DGLUCY: variants seen among roughly 807,000 people sequenced by gnomAD.
DGLUCY encodes the protein D-glutamate cyclase, mitochondrial.
In DGLUCY, 58 loss-of-function variants were observed where a neutral mutation model predicts 58.5. The ratio of observed to expected loss-of-function variants is 0.99; its 90% CI spans 0.80 to 1.23. DGLUCY has a LOEUF of 1.23. DGLUCY is among the 50% of genes most tolerant of loss of function. DGLUCY has a pLI of 0.00. For synonymous variants in DGLUCY, 325 were observed against 314.1 expected (o/e 1.03, Z -0.37); for missense variants, 779 against 784.7 (o/e 0.99, Z 0.09).
At chr14:91,115,947 C>T (rs2044912907) in intron 1 of DGLUCY, among the ~76,000 whole-genome samples, 1 of 152,346 alleles carries the variant, frequency 6.6e-6, no homozygotes, top group East Asian at 1.9e-4. Context: ...TGACCCACCC[C>T]AAAACTTCTG....
At chr14:91,193,947 T>TGGG (rs1392706671) in intron 9 of DGLUCY, among the ~76,000 whole-genome samples, 1 of 152,088 alleles carries the variant, frequency 6.6e-6, no homozygotes, top group Non-Finnish European at 1.5e-5. Flanking sequence ...AGCTCAGAAG[T>TGGG]GGGAACCTCA....
chr14:91,216,512 C>A (rs1886538733), intron 13 of DGLUCY: 1 of 152,140 alleles, frequency 6.6e-6, no homozygotes, highest in South Asian at 2.1e-4. Flanking sequence ...GGCCTGGTGG[C>A]ATGCACCTGT....
intron 3 of DGLUCY, among the ~76,000 whole-genome samples, chr14:91,166,829 A>G (rs1246482530): frequency 4.0e-5 from 6 of 151,614 alleles, no homozygotes; most frequent in Admixed American, 3.9e-4. Context: ...GGCTGGGCGC[A>G]ATGGCTCATG....
chr14:91,117,150 A>T (rs1396029994), intron 1 of DGLUCY, among the ~76,000 whole-genome samples: 1 of 152,196 alleles, frequency 6.6e-6, no homozygotes, highest in African/African-American at 2.4e-5. Flanking sequence ...TTGTCATGGC[A>T]TTTGTAAACT....
In DGLUCY at chr14:91,188,986, A is replaced by G. The variant is rs1046726765; in HGVS notation, c.1011A>G (p.Ser337=). ...CTCTCTCGCTGTCCCATGCCCGCTC[A>G]GTGCTCATCACCACTGGGTTCCCCA... is the stretch of plus-strand genomic sequence containing the variant. ...KASLSLSHAR[S]VLITTGFPTH... is the part of the protein sequence containing the mutation. Residue 337 remains serine (S), a synonymous_variant, in exon 9 of 14, where the codon TCA becomes TCG. Transcript: ENST00000256324. 4 of 1,614,232 alleles carry G rather than the reference A, an allele frequency of 2.5e-6. No homozygotes were observed. Among genetic ancestry groups the G allele is most frequent in the Non-Finnish European group, 3.4e-6 (4 of 1,180,042 alleles).
rs553865325 is a variant in DGLUCY, at chr14:91,215,529, G to C, written c.1689G>C (p.Trp563Cys). Residue 563 changes from tryptophan to cysteine, a missense_variant, in exon 13 of 14, where the codon TGG becomes TGC. Trp to Cys is a radical substitution (Grantham distance 215). Coordinates refer to ENST00000256324, the MANE Select transcript of DGLUCY (RefSeq NM_001102368.3). The stretch of plus-strand genomic sequence containing the variant: ...CCAGGGCACCTGGAGATCAGGCCTG[G>C]ACTCAGGCCCTCCCGTCGGTCATTA... ...GPSRAPGDQA[W>C]TQALPSVIKE... 6.2e-7 allele frequency: 1 copy of C among 1,614,012 alleles called. No homozygotes were observed. The highest frequency in any genetic ancestry group is 1.1e-5 in the South Asian group (1 of 91,078).
At chr14:91,116,261 C>T (rs2044934773) in intron 1 of DGLUCY, among the ~76,000 whole-genome samples, 1 of 152,186 alleles carries the variant, frequency 6.6e-6, no homozygotes, top group Non-Finnish European at 1.5e-5. Context: ...CCACACTTTA[C>T]AGCTTTCAAA....
At chr14:91,204,590 C>T (rs1884206761) in intron 11 of DGLUCY, 116 bp from the exon 12 acceptor site, 5 of 1,386,530 alleles carry the variant, frequency 3.6e-6, no homozygotes, top group Middle Eastern at 2.0e-4. Flanking sequence ...AAAATATATC[C>T]AGAGCCAACC....
At chr14:91,133,823 T>A (rs2046173626) in intron 1 of DGLUCY, among the ~76,000 whole-genome samples, 2 of 152,222 alleles carry the variant, frequency 1.3e-5, no homozygotes, top group Admixed American at 6.5e-5. Flanking sequence ...TTTGCTTTTG[T>A]CTTTGATAAT....
chr14:91,169,407 CTTT>C (rs869086228), intron 4 of DGLUCY, among the ~76,000 whole-genome samples: 4 of 140,572 alleles, frequency 2.8e-5, no homozygotes, highest in Admixed American at 1.4e-4. Context: ...TCTTCTTCTT[CTTT>C]TTTTTTTTTT....
chr14:91,143,244 C>T (rs1000288261), intron 1 of DGLUCY, among the ~76,000 whole-genome samples: 2 of 151,734 alleles, frequency 1.3e-5, no homozygotes, highest in Non-Finnish European at 2.9e-5. Context: ...TACAGGCGCC[C>T]TCCACCACGC....
chr14:91,220,410 C>G (rs948502901), intron 13 of DGLUCY: 7 of 443,132 alleles, frequency 1.6e-5, no homozygotes, highest in Admixed American at 4.9e-5. Flanking sequence ...CATCATCCTT[C>G]TTATCATGAC....
At chr14:91,119,851 C>T (rs2045243002) in intron 1 of DGLUCY, among the ~76,000 whole-genome samples, 1 of 152,170 alleles carries the variant, frequency 6.6e-6, no homozygotes, top group African/African-American at 2.4e-5. Flanking sequence ...CTGAGTCTTT[C>T]AGTCTTCATC....
At chr14:91,198,917 A>T (rs1423060985) in intron 10 of DGLUCY, among the ~76,000 whole-genome samples, 1 of 152,126 alleles carries the variant, frequency 6.6e-6, no homozygotes, top group East Asian at 1.9e-4. Flanking sequence ...AACCCAGATG[A>T]TCTGCTGCCA....
chr14:91,074,118 T>TACACACAC lies in DGLUCY; in HGVS notation c.-82+13450_-82+13457dup, dbSNP rs3086753. 6.7e-3 allele frequency among the ~76,000 whole-genome samples: 468 copies of TACACACAC among 70,310 alleles called. 3 individuals are homozygous for TACACACAC. The highest frequency in any genetic ancestry group is 9.1e-3 in the African/African-American group (155 of 17,126). 46.1% of individuals were successfully genotyped at this position (70,310 alleles called of 152,430 possible). ...CAAAAAAAAAAAATATATATATATA[T>TACACACAC]ACACACACACACACACACACACACA... is the stretch of plus-strand genomic sequence containing the variant. On this transcript the variant is annotated intron_variant, in intron 1 of 4. Transcript: ENST00000521334.
intron 1 of DGLUCY, among the ~76,000 whole-genome samples, chr14:91,085,225 A>G (rs2140054399): frequency 6.6e-6 from 1 of 150,910 alleles, no homozygotes; most frequent in South Asian, 2.1e-4. Flanking sequence ...CTGTCTCAAA[A>G]AAAAAAAAAA....
rs1349289854 is a variant in DGLUCY at position 91,114,247 on chromosome 14, CTGTT to C, written c.-114_-111del. 3 of 152,360 alleles carry C rather than the reference CTGTT, an allele frequency of 2.0e-5. No homozygotes were observed. Among genetic ancestry groups the C allele is most frequent in the Non-Finnish European group, 4.4e-5 (3 of 68,160 alleles). 9.4% of individuals were successfully genotyped at this position (152,360 alleles called of 1,614,324 possible). A position where few individuals can be genotyped will look rare whatever the true frequency, so the allele number is the denominator to read the frequency against. On this transcript the variant is annotated 5_prime_UTR_variant, in exon 1 of 14. Coordinates refer to ENST00000256324, the MANE Select transcript of DGLUCY (RefSeq NM_001102368.3). ...AAGGCCGTGGAAACAAAGGGAGGAACTGTTTGTAGCCCTCGTCCAGACGCCCCAA... is the reference window on the plus strand; with the variant it reads ...AAGGCCGTGGAAACAAAGGGAGGAACTGTAGCCCTCGTCCAGACGCCCCAA...
intron 1 of DGLUCY, among the ~76,000 whole-genome samples, chr14:91,100,689 G>A (rs2044470371): frequency 6.6e-6 from 1 of 152,176 alleles, no homozygotes; most frequent in African/African-American, 2.4e-5. Context: ...AGCCTCCTGG[G>A]GAGCTGAGAA....
chr14:91,184,005 G>A (rs1595864393), intron 8 of DGLUCY, among the ~76,000 whole-genome samples: 1 of 151,842 alleles, frequency 6.6e-6, no homozygotes, highest in Non-Finnish European at 1.5e-5. Flanking sequence ...CCTCCCCACC[G>A]GCCCACCTGA....
Sources: allele counts gnomAD v4.1 joint callset (sites outside exome capture counted in the v4.1 genomes callset), GRCh38; gene constraint gnomAD v4.1.1; transcripts MANE v1.5; gene names NCBI Gene and HGNC (gene_info 2026-07-23, HGNC 2026-07-21).